Variants in DOCK5 observed in about 807,000 individuals in gnomAD.
DOCK5 encodes dedicator of cytokinesis protein 5.
In DOCK5, 142 loss-of-function variants were observed where a neutral mutation model predicts 251.8. That is an observed-to-expected ratio of 0.56 (90% CI 0.49 to 0.65). The LOEUF (loss-of-function observed/expected upper bound fraction) is 0.65, where lower values mean the gene tolerates loss of function less well. Ranked by LOEUF, DOCK5 falls within the 30% of genes least tolerant of loss-of-function variation. The pLI is 0.00. For synonymous variants in DOCK5, 842 were observed against 835.5 expected, an observed-to-expected ratio of 1.01 and a Z score of -0.13; for missense variants, 2,111 against 2,312.3, an observed-to-expected ratio of 0.91 and a Z score of 1.79.
chr8:25,385,500 T>G (rs376023391), intron 40 of DOCK5, among the ~76,000 whole-genome samples: 5 of 152,144 alleles, frequency 3.3e-5, no homozygotes, highest in Admixed American at 2.6e-4. Context: ...CCTGCATCAT[T>G]GGAGGGGGTA....
At chr8:25,266,477 A>C (rs1218916656) in intron 2 of DOCK5, among the ~76,000 whole-genome samples, 1 of 151,818 alleles carries the variant, frequency 6.6e-6, no homozygotes, top group Non-Finnish European at 1.5e-5. Context: ...AGCCTCCCAA[A>C]GTGCTGGGAT....
intron 1 of DOCK5, among the ~76,000 whole-genome samples, chr8:25,242,399 T>G (rs1401331842): frequency 6.6e-6 from 1 of 152,216 alleles, no homozygotes; most frequent in Non-Finnish European, 1.5e-5. Flanking sequence ...CCCCAACTGT[T>G]TTCAGAAGGG....
At chr8:25,301,624 G>T (rs750613186) in intron 9 of DOCK5, among the ~76,000 whole-genome samples, 2 of 151,968 alleles carry the variant, frequency 1.3e-5, no homozygotes, top group Non-Finnish European at 2.9e-5. Flanking sequence ...CAGCACTTTG[G>T]GAGGCCAAGG....
intron 2 of DOCK5, among the ~76,000 whole-genome samples, chr8:25,250,723 G>A (rs2117560625): frequency 6.6e-6 from 1 of 152,288 alleles, no homozygotes; most frequent in South Asian, 2.1e-4. Flanking sequence ...ACAAAACCAA[G>A]TAAACAAAGT....
intron 1 of DOCK5, among the ~76,000 whole-genome samples, chr8:25,216,155 GTATA>G (rs756895204): frequency 3.4e-5 from 5 of 148,878 alleles, no homozygotes; most frequent in Non-Finnish European, 5.9e-5. Context: ...TATACAATAT[GTATA>G]TATGTATACA....
At chr8:25,242,721 A>G (rs1013571039) in intron 1 of DOCK5, among the ~76,000 whole-genome samples, 1 of 152,196 alleles carries the variant, frequency 6.6e-6, no homozygotes, top group Non-Finnish European at 1.5e-5. Flanking sequence ...CGGCCCAGCC[A>G]TTGCCAGCCC....
intron 1 of DOCK5, among the ~76,000 whole-genome samples, chr8:25,193,005 A>G (rs1161064192): frequency 6.6e-6 from 1 of 152,202 alleles, no homozygotes; most frequent in African/African-American, 2.4e-5. Flanking sequence ...TGTCAAGCCT[A>G]GAGCCCCAGA....
chr8:25,282,652 A>G (rs1044716999), intron 5 of DOCK5, among the ~76,000 whole-genome samples: 2 of 151,924 alleles, frequency 1.3e-5, no homozygotes, highest in African/African-American at 4.8e-5. Context: ...TGAGTCCAGC[A>G]GTTTGAGACC....
At chr8:25,386,763 G>C (rs1801171701) in intron 40 of DOCK5, among the ~76,000 whole-genome samples, 1 of 152,176 alleles carries the variant, frequency 6.6e-6, no homozygotes, top group Non-Finnish European at 1.5e-5. Flanking sequence ...AGACAGCAGT[G>C]ATTCTGTGAA....
chr8:25,248,323 G>A (rs574615455), intron 2 of DOCK5, among the ~76,000 whole-genome samples: 2 of 152,128 alleles, frequency 1.3e-5, no homozygotes, highest in Non-Finnish European at 2.9e-5. Context: ...AACATGAAAC[G>A]CGATGGGAAT....
rs1805365384 is a variant in DOCK5, at chr8:25,319,612, T to G, written c.1478T>G (p.Ile493Ser). Residue 493 changes from isoleucine to serine, a missense_variant, in exon 15 of 52, where the codon ATT (isoleucine) becomes AGT (serine). Ile to Ser is a moderately radical substitution (Grantham distance 142). This residue lies in a region of DOCK5 where 1,717 missense variants were observed against 1,892.4 expected (regional missense o/e 0.91). Transcript: ENST00000276440. ...CACCCTGGTGCTGGATATGAAGGCA[T>G]TTCAGAATACAAATCAGTAGTCTAT... ...AIHPGAGYEG[I>S]SEYKSVVYYQ... 1 of 1,590,332 alleles carries G rather than the reference T, an allele frequency of 6.3e-7. No homozygotes were observed. The highest frequency in any genetic ancestry group is 1.8e-5 in the Admixed American group (1 of 56,546).
At chr8:25,248,026 G>T (rs1007317038) in intron 2 of DOCK5, among the ~76,000 whole-genome samples, 1 of 152,186 alleles carries the variant, frequency 6.6e-6, no homozygotes, top group Non-Finnish European at 1.5e-5. Context: ...GTAAGCGCAT[G>T]TCAAGGCGTG....
chr8:25,394,943 G>T (rs7836337), intron 44 of DOCK5, among the ~76,000 whole-genome samples: 43,315 of 151,496 alleles, frequency 0.29, 6,344 homozygotes, highest in Non-Finnish European at 0.32. Flanking sequence ...GTGGGAAGGT[G>T]GGGGGTGTTG....
At chr8:25,365,479 T>C (rs1800760135) in intron 30 of DOCK5, among the ~76,000 whole-genome samples, 1 of 152,238 alleles carries the variant, frequency 6.6e-6, no homozygotes, top group Non-Finnish European at 1.5e-5. Flanking sequence ...AAAAGCCAGA[T>C]TTATTGAAAT....
intron 1 of DOCK5, among the ~76,000 whole-genome samples, chr8:25,206,904 G>T (rs1802014686): frequency 6.6e-6 from 1 of 152,216 alleles, no homozygotes; most frequent in African/African-American, 2.4e-5. Flanking sequence ...AAACCACAAG[G>T]AAACTGAAAA....
chr8:25,334,131 C>T lies in DOCK5; in HGVS notation c.2127C>T (p.Phe709=). 6.2e-7 allele frequency: 1 copy of T among 1,613,862 alleles called. No individual in the cohort carries two copies. Among genetic ancestry groups the T allele is most frequent in the Non-Finnish European group, 8.5e-7 (1 of 1,179,812 alleles). ...FIISLIGDIK[F]QHFNPVLETY... ...TTTCACTGATAGGAGACATCAAGTT[C>T]CAGCATTTTAATCCTGTACTTGAAA... Residue 709 remains phenylalanine, a synonymous_variant, in exon 21 of 52, where the codon TTC becomes TTT. Coordinates refer to ENST00000276440, the MANE Select transcript of DOCK5 (RefSeq NM_024940.8).
At chr8:25,323,012 A>G (rs778615602) in intron 16 of DOCK5, among the ~76,000 whole-genome samples, 1 of 152,040 alleles carries the variant, frequency 6.6e-6, no homozygotes, top group Non-Finnish European at 1.5e-5. Context: ...ATGGATGACT[A>G]CTCCACCACT....
intron 5 of DOCK5, among the ~76,000 whole-genome samples, chr8:25,280,432 A>G (rs998689348): frequency 6.6e-6 from 1 of 152,234 alleles, no homozygotes. Flanking sequence ...ATAAGAGTTC[A>G]TGGAAGATAT....
intron 2 of DOCK5, among the ~76,000 whole-genome samples, chr8:25,247,297 T>C (rs562572856): frequency 6.6e-6 from 1 of 152,312 alleles, no homozygotes; most frequent in Non-Finnish European, 1.5e-5. Context: ...TTAGGGTTCA[T>C]ATCAATAGTA....
Sources: allele counts gnomAD v4.1 joint callset (sites outside exome capture counted in the v4.1 genomes callset), GRCh38; gene constraint gnomAD v4.1.1; regional missense constraint gnomAD v4.1.1; transcripts MANE v1.5; gene names NCBI Gene and HGNC (gene_info 2026-07-23, HGNC 2026-07-21).